PTPN1: variants seen among roughly 807,000 people sequenced by gnomAD.
PTPN1 encodes protein tyrosine phosphatase non-receptor type 1, also known as tyrosine-protein phosphatase non-receptor type 1.
A neutral mutation model predicts 59.9 loss-of-function variants in PTPN1; 12 were observed. The observed-to-expected ratio is 0.20, with a 90% CI of 0.13 to 0.32. The LOEUF (loss-of-function observed/expected upper bound fraction) is 0.32, where lower values mean the gene tolerates loss of function less well. Ranked by LOEUF, PTPN1 falls within the 10% of genes least tolerant of loss-of-function variation. PTPN1 has a pLI of 1.00. For synonymous variants in PTPN1, 178 were observed against 203.6 expected (o/e 0.87, Z 1.07); for missense variants, 356 against 549.2 (o/e 0.65, Z 3.52).
chr20:50,562,395 A>G (rs769577776), intron 2 of PTPN1, among the ~76,000 whole-genome samples: 2 of 152,202 alleles, frequency 1.3e-5, no homozygotes, highest in East Asian at 3.8e-4. Flanking sequence ...GGGTCTAAAA[A>G]TGGACCTAGA....
intron 1 of PTPN1, among the ~76,000 whole-genome samples, chr20:50,539,613 T>A (rs1047109310): frequency 6.6e-6 from 1 of 151,778 alleles, no homozygotes; most frequent in African/African-American, 2.4e-5. Context: ...TTTTTGTCTA[T>A]GTGCCCAAAG....
At chr20:50,530,904 A>G (rs1357596639) in intron 1 of PTPN1, among the ~76,000 whole-genome samples, 1 of 151,658 alleles carries the variant, frequency 6.6e-6, no homozygotes, top group Non-Finnish European at 1.5e-5. Flanking sequence ...GGGTCTCGCT[A>G]TTTTGCCCAG....
At chr20:50,538,300 A>G (rs529752769) in intron 1 of PTPN1, among the ~76,000 whole-genome samples, 28 of 152,248 alleles carry the variant, frequency 1.8e-4, no homozygotes, top group Middle Eastern at 3.4e-3. Context: ...AAAAGGACAG[A>G]AGAGAAGCTG....
chr20:50,579,284 T>C lies in PTPN1; in HGVS notation c.819T>C (p.Ala273=). 1 of 1,614,264 alleles carries C rather than the reference T, an allele frequency of 6.2e-7. No homozygotes were observed. The highest frequency in any genetic ancestry group is 1.7e-5 in the Admixed American group (1 of 60,038). Reference sequence around the variant, plus strand: ...ACCAGCTGCGCTTCTCCTACCTGGCTGTGATCGAAGGTGCCAAATTCATCA... The same window carrying C: ...ACCAGCTGCGCTTCTCCTACCTGGCCGTGATCGAAGGTGCCAAATTCATCA... The part of the protein sequence containing the change: ...TADQLRFSYL[A]VIEGAKFIMG... The change falls in exon 7 of 10, where the codon GCT becomes GCC. Residue 273 remains alanine, a synonymous_variant. Transcript: ENST00000371621.
chr20:50,554,190 G>C (rs2082715692), intron 1 of PTPN1, among the ~76,000 whole-genome samples: 1 of 152,100 alleles, frequency 6.6e-6, no homozygotes, highest in Admixed American at 6.6e-5. Flanking sequence ...AGATCTGCTT[G>C]GGCAACATAG....
intron 5 of PTPN1, chr20:50,575,081 C>A: frequency 6.2e-6 from 1 of 160,670 alleles, no homozygotes; most frequent in Non-Finnish European, 1.3e-5. Flanking sequence ...TTTTCTGGGC[C>A]AGGTCTTGGG....
intron 1 of PTPN1, among the ~76,000 whole-genome samples, chr20:50,522,378 G>A (rs77833095): frequency 0.012 from 1,877 of 152,276 alleles, 31 homozygotes; most frequent in African/African-American, 0.043. Context: ...GCACTGAGAC[G>A]GCTACGAAGT....
chr20:50,529,810 A>G (rs1229645377), intron 1 of PTPN1, among the ~76,000 whole-genome samples: 1 of 152,118 alleles, frequency 6.6e-6, no homozygotes, highest in Non-Finnish European at 1.5e-5. Context: ...TGACATGTCT[A>G]TTCTTGTGAA....
chr20:50,559,325 C>T (rs1039634754), intron 1 of PTPN1, among the ~76,000 whole-genome samples: 11 of 152,152 alleles, frequency 7.2e-5, no homozygotes, highest in African/African-American at 2.7e-4. Flanking sequence ...GACTGCTGGG[C>T]TAGGTATAGA....
chr20:50,525,937 A>C (rs368991295), intron 1 of PTPN1, among the ~76,000 whole-genome samples: 3 of 152,114 alleles, frequency 2.0e-5, no homozygotes, highest in Non-Finnish European at 4.4e-5. Flanking sequence ...GCAGTTTTGA[A>C]GAAGGGGATG....
At chr20:50,540,606 C>T (rs1239124846) in intron 1 of PTPN1, among the ~76,000 whole-genome samples, 4 of 152,118 alleles carry the variant, frequency 2.6e-5, no homozygotes, top group African/African-American at 4.8e-5. Flanking sequence ...AACTACAAAC[C>T]ATGTCACTCA....
rs923834297 is a variant in PTPN1, at chr20:50,568,119, C to T, written c.256-261C>T. On this transcript the variant is annotated intron_variant, in intron 3 of 9. Transcript: ENST00000371621. The surrounding 1 kb of genome is among the most constrained non-coding windows in gnomAD (Gnocchi z 5.6). ...TAGCGGGCCTGCCTGAGCCAGAAAG[C>T]AGAATCGGCATTTTTCTGTCCTTGG... 6.6e-6 allele frequency among the ~76,000 whole-genome samples: 1 copy of T among 152,216 alleles called. No homozygotes were observed. Among genetic ancestry groups the T allele is most frequent in the African/African-American group, 2.4e-5 (1 of 41,446 alleles).
chr20:50,510,532 A>T lies in PTPN1; in HGVS notation c.5A>T (p.Glu2Val), dbSNP rs1407157199. Reference protein sequence around the residue: MEMEKEFEQIDK... With the variant: MVMEKEFEQIDK... The stretch of plus-strand genomic sequence containing the variant: ...CAGCAGCCGCCCTGGCCCGTCATGG[A>T]GATGGAAAAGGAGTTCGAGCAGATC... The change falls in exon 1 of 10, where the codon GAG becomes GTG. Residue 2 changes from glutamate (E) to valine (V), a missense_variant. Transcript: ENST00000371621. 25 of 1,550,184 alleles carry T rather than the reference A, an allele frequency of 1.6e-5. No homozygotes were observed. Among genetic ancestry groups the T allele is most frequent in the Non-Finnish European group, 2.2e-5 (25 of 1,146,376 alleles).
intron 1 of PTPN1, among the ~76,000 whole-genome samples, chr20:50,542,411 A>G (rs186586904): frequency 1.3e-5 from 2 of 152,342 alleles, no homozygotes; most frequent in East Asian, 3.9e-4. Context: ...CTGCTGTTGC[A>G]TGAAAATCTG....
At chr20:50,552,865 C>A (rs1389588212) in intron 1 of PTPN1, among the ~76,000 whole-genome samples, 1 of 152,026 alleles carries the variant, frequency 6.6e-6, no homozygotes, top group Non-Finnish European at 1.5e-5. Flanking sequence ...TATTCCCCTC[C>A]AAACATTCCC....
At chr20:50,511,159 A>G (rs570094251) in intron 1 of PTPN1, among the ~76,000 whole-genome samples, 35 of 152,274 alleles carry the variant, frequency 2.3e-4, no homozygotes, top group African/African-American at 8.4e-4. Flanking sequence ...CCGCTTAGGC[A>G]TTGGAGGTGG....
chr20:50,522,917 C>G lies in PTPN1; in HGVS notation c.63+12327C>G, dbSNP rs143445790. ...TACAGGTGCCTGCCACGATGCCCGG[C>G]TAATTTTTTTTTTTTTTTTTGTATT... On this transcript the variant is annotated intron_variant, in intron 1 of 9. Transcript: ENST00000371621. Among the ~76,000 whole-genome samples the G allele has an allele frequency of 3.7e-3, 454 of 124,314 alleles. 4 individuals are homozygous for G. The highest frequency in any genetic ancestry group is 0.012 in the African/African-American group (354 of 29,642). 81.6% of individuals were successfully genotyped at this position (124,314 alleles called of 152,430 possible). A position where few individuals can be genotyped will look rare whatever the true frequency, so the allele number is the denominator to read the frequency against.
intron 1 of PTPN1, among the ~76,000 whole-genome samples, chr20:50,543,987 A>G (rs1405684481): frequency 6.6e-6 from 1 of 152,106 alleles, no homozygotes; most frequent in Non-Finnish European, 1.5e-5. Context: ...CTGGGATTAC[A>G]GGCATGGGCC....
intron 2 of PTPN1, among the ~76,000 whole-genome samples, chr20:50,563,412 A>G (rs982603085): frequency 6.6e-6 from 1 of 152,030 alleles, no homozygotes; most frequent in African/African-American, 2.4e-5. Context: ...TCTTCCCACA[A>G]CCCTCTTGTC....
Sources: allele counts gnomAD v4.1 joint callset (sites outside exome capture counted in the v4.1 genomes callset), GRCh38; gene constraint gnomAD v4.1.1; non-coding constraint Gnocchi (gnomAD v3.1); transcripts MANE v1.5; gene names NCBI Gene and HGNC (gene_info 2026-07-23, HGNC 2026-07-21).